ADPRHL1: variants seen among roughly 807,000 people sequenced by gnomAD.
ADPRHL1 encodes ADP-ribosylhydrolase like 1.
Under a neutral mutation model 44.1 loss-of-function variants are expected in ADPRHL1, and 43 were observed. The ratio of observed to expected loss-of-function variants is 0.98; its 90% CI spans 0.76 to 1.26. ADPRHL1 has a LOEUF of 1.26. Among genes scored for constraint, ADPRHL1 ranks in the 50% most tolerant of loss-of-function variants. ADPRHL1 has a pLI of 0.00. For missense variants in ADPRHL1, 2,022 were observed against 2,496.9 expected (o/e 0.81, Z 4.05); for synonymous variants, 878 against 1,017.4 (o/e 0.86, Z 2.61).
At chr13:113,418,980 T>C (rs931445614) in intron 7 of ADPRHL1, among the ~76,000 whole-genome samples, 7 of 105,628 alleles carry the variant, frequency 6.6e-5, no homozygotes, top group South Asian at 3.6e-4. Context: ...CCTCTTTTCC[T>C]TCCCTCCCTC....
At chr13:113,436,926 C>T (rs2044063272) in intron 2 of ADPRHL1, among the ~76,000 whole-genome samples, 1 of 148,112 alleles carries the variant, frequency 6.8e-6, no homozygotes, top group African/African-American at 2.5e-5. Flanking sequence ...GTAGAGTGAA[C>T]ATAGGTGTAC....
intron 7 of ADPRHL1, 170 bp downstream of exon 7, chr13:113,422,656 T>C (rs963594458): frequency 5.0e-6 from 4 of 799,510 alleles, no homozygotes; most frequent in Non-Finnish European, 7.8e-6. Flanking sequence ...ATGTATTTTA[T>C]GCAACAGTTA....
intron 2 of ADPRHL1, among the ~76,000 whole-genome samples, chr13:113,438,821 G>A (rs1477589356): frequency 6.6e-6 from 1 of 152,156 alleles, no homozygotes; most frequent in African/African-American, 2.4e-5. Context: ...ACCACACCTG[G>A]CCCTCTTGTC....
chr13:113,425,703 C>T (rs2043963725), intron 4 of ADPRHL1, among the ~76,000 whole-genome samples: 3 of 127,416 alleles, frequency 2.4e-5, no homozygotes, highest in South Asian at 2.5e-4. Context: ...TTTTTTGAGA[C>T]GGAGTCTCTC....
Position 113,406,750 on chromosome 13 carries a change from A to G in ADPRHL1, c.2532T>C (p.Thr844=). The G allele has an allele frequency of 8.1e-7, 1 of 1,231,998 alleles. No homozygotes were observed. Among genetic ancestry groups the G allele is most frequent in the South Asian group, 4.1e-5 (1 of 24,320 alleles). The allele number at this position is 1,231,998 out of a possible 1,614,324, so 76.3% of individuals were successfully genotyped here. A position where few individuals can be genotyped will look rare whatever the true frequency, so the allele number is the denominator to read the frequency against. The change falls in exon 8 of 8, where the codon ACT becomes ACC. Residue 844 remains threonine (T), a synonymous_variant. Coordinates refer to ENST00000612156, the MANE Select transcript of ADPRHL1 (RefSeq NM_001394807.1). ...TTTCATGGACAACTGGAATTTGGACAGTTATCCGTGGAGGCTCCGTGGCAG... is the reference window on the plus strand; with the variant it reads ...TTTCATGGACAACTGGAATTTGGACGGTTATCCGTGGAGGCTCCGTGGCAG... ...TQPATEPPRI[T]VQIPVVHEMP...
rs558151919 is a variant in ADPRHL1, at chr13:113,444,552, C to T, written c.252G>A (p.Val84=). The T allele has an allele frequency of 7.4e-6, 12 of 1,614,206 alleles. No individual in the cohort carries two copies. In the East Asian group the frequency reaches 2.0e-4, roughly 27 times the overall value. The change falls in exon 2 of 8, where the codon GTG becomes GTA. Residue 84 remains valine (V), a synonymous_variant. Coordinates refer to ENST00000612156, the MANE Select transcript of ADPRHL1 (RefSeq NM_001394807.1). ...WCLDDLYREM[V]RCYVEIVEKL... is the part of the protein sequence containing the mutation. ...TCTCAACGATTTCCACATAGCATCT[C>T]ACCATCTCCCGGTACAGATCATCCA...
rs1157293908 is a variant in ADPRHL1 at position 113,415,768 on chromosome 13, AAAAG to A, written c.1061+7054_1061+7057del. Among the ~76,000 whole-genome samples the A allele has an allele frequency of 5.3e-5, 8 of 150,312 alleles. No individual in the cohort carries two copies. In the East Asian group the frequency reaches 9.7e-4, roughly 18 times the overall value. ...TCCATCTCAAAAAAAAAAAAAAAAAAAAAGAGAGAGAGAGAGAAGCAAGCTCGCC... is the reference window on the plus strand; with the variant it reads ...TCCATCTCAAAAAAAAAAAAAAAAAAAGAGAGAGAGAGAAGCAAGCTCGCC... On this transcript the variant is annotated intron_variant, in intron 7 of 7. Transcript: ENST00000612156.
rs755176395 is a variant in ADPRHL1 at position 113,409,564 on chromosome 13, G to A, written c.1062-1344C>T. 4 of 985,312 alleles carry A rather than the reference G, an allele frequency of 4.1e-6. No individual in the cohort carries two copies. The highest frequency in any genetic ancestry group is 1.1e-4 in the East Asian group (1 of 8,832). 61.0% of individuals were successfully genotyped at this position (985,312 alleles called of 1,614,324 possible). A position where few individuals can be genotyped will look rare whatever the true frequency, so the allele number is the denominator to read the frequency against. On this transcript the variant is annotated intron_variant, in intron 7 of 7. Transcript: ENST00000612156. This position sits in a 1 kb window ranked among gnomAD's most constrained non-coding sequence, Gnocchi z 4.2. ...TGCGGCTGGTGACGTGGTGCCAAGTGAAAAGCTCACTCTAACCCGATTGTT... is the reference window on the plus strand; with the variant it reads ...TGCGGCTGGTGACGTGGTGCCAAGTAAAAAGCTCACTCTAACCCGATTGTT...
At position 113,405,694 on chromosome 13, in the gene ADPRHL1, C is replaced by T. The variant is rs2043803339; in HGVS notation, c.3588G>A (p.Val1196=). Residue 1196 remains valine, a synonymous_variant, in exon 8 of 8, where the codon GTG becomes GTA. Transcript: ENST00000612156. ...TGTCCTCTGGGTGCTGGACGAGGGC[C>T]ACGCCTCTCAGGAGGCTCCTCCCTG... ...GAAGRSLLRG[V]ALVQHPEDIA... The T allele has an allele frequency of 8.1e-7, 1 of 1,231,868 alleles. No individual in the cohort carries two copies. The highest frequency in any genetic ancestry group is 1.0e-6 in the Non-Finnish European group (1 of 988,176). The allele number at this position is 1,231,868 out of a possible 1,614,324, so 76.3% of individuals were successfully genotyped here. A position where few individuals can be genotyped will look rare whatever the true frequency, so the allele number is the denominator to read the frequency against.
chr13:113,423,116 G>A, intron 6 of ADPRHL1, 137 bp from the exon 7 acceptor site: 3 of 1,247,056 alleles, frequency 2.4e-6, no homozygotes, highest in Middle Eastern at 2.4e-4. Context: ...AGGCAGGCCA[G>A]CGCGGTGGCT....
Position 113,441,235 on chromosome 13 carries a change from T to C in ADPRHL1, c.379+3190A>G, listed in dbSNP as rs1381665722. Among the ~76,000 whole-genome samples the C allele has an allele frequency of 6.6e-6, 1 of 152,206 alleles. No individual in the cohort carries two copies. The highest frequency in any genetic ancestry group is 2.4e-5 in the African/African-American group (1 of 41,440). On this transcript the variant is annotated intron_variant, in intron 2 of 7. Coordinates refer to ENST00000612156, the MANE Select transcript of ADPRHL1 (RefSeq NM_001394807.1). This position sits in a 1 kb window ranked among gnomAD's most constrained non-coding sequence, Gnocchi z 6.0. ...TTTATCTAATGTGACAACTTCTGACTGTTATTGGGGGTCTTCACACCATTC... is the reference window on the plus strand; with the variant it reads ...TTTATCTAATGTGACAACTTCTGACCGTTATTGGGGGTCTTCACACCATTC...
intron 2 of ADPRHL1, among the ~76,000 whole-genome samples, chr13:113,437,580 G>A (rs1175813513): frequency 6.6e-6 from 1 of 152,232 alleles, no homozygotes; most frequent in Non-Finnish European, 1.5e-5. Context: ...TTTCCGCCTG[G>A]CTTTTGTCAC....
chr13:113,432,018 G>A (rs545803726), intron 3 of ADPRHL1, among the ~76,000 whole-genome samples: 5 of 152,162 alleles, frequency 3.3e-5, no homozygotes, highest in Admixed American at 1.3e-4. Flanking sequence ...GCGCCTGGCC[G>A]TGAAATAATT....
rs397744674 is a variant in ADPRHL1, at chr13:113,406,673, G to GAAA, written c.2608_2609insTTT (p.Pro870delinsLeuSer). On this transcript the variant is annotated protein_altering_variant, in exon 8 of 8. Coordinates refer to ENST00000612156, the MANE Select transcript of ADPRHL1 (RefSeq NM_001394807.1). Reference sequence around the variant, plus strand: ...CACATTCTCTCCTCCACAAATACAAGGTTTGTTTTCACCACTTGACATATT... The same window carrying GAAA: ...CACATTCTCTCCTCCACAAATACAAGAAAGTTTGTTTTCACCACTTGACATATT... 3 of 1,230,766 alleles carry GAAA rather than the reference G, an allele frequency of 2.4e-6. No homozygotes were observed. Among genetic ancestry groups the GAAA allele is most frequent in the Admixed American group, 4.2e-5 (1 of 23,604 alleles). 76.2% of individuals were successfully genotyped at this position (1,230,766 alleles called of 1,614,324 possible). A position where few individuals can be genotyped will look rare whatever the true frequency, so the allele number is the denominator to read the frequency against.
In ADPRHL1 at chr13:113,407,545, G is replaced by T. The variant is rs369637968; in HGVS notation, c.1737C>A (p.Asn579Lys). ...RLHTQERKKR[N>K]LQRKRMHRPE... ...GCCGGTGCATCCTCTTCCTCTGCAG[G>T]TTCCTCTTCTTCCGCTCCTGCGTGT... Residue 579 changes from asparagine to lysine, a missense_variant, in exon 8 of 8, where the codon AAC becomes AAA. By Grantham distance (94) the Asn-to-Lys change is moderately conservative. Transcript: ENST00000612156. 19 of 1,232,146 alleles carry T rather than the reference G, an allele frequency of 1.5e-5. No homozygotes were observed. In the African/African-American group the frequency reaches 1.6e-4, roughly 10 times the overall value. The allele number at this position is 1,232,146 out of a possible 1,614,324, so 76.3% of individuals were successfully genotyped here.
In ADPRHL1 at chr13:113,407,883, C is replaced by T. The variant is rs1030355775; in HGVS notation, c.1399G>A (p.Val467Met). The change falls in exon 8 of 8, where the codon GTG becomes ATG. Residue 467 changes from valine to methionine, a missense_variant. Around this residue, in one of 8 missense-constraint regions of ADPRHL1, gnomAD observed 1,221 missense variants for 1,517.8 expected, o/e 0.80. Coordinates refer to ENST00000612156, the MANE Select transcript of ADPRHL1 (RefSeq NM_001394807.1). ...KDKQGPGGGL[V>M]GATINKLLEK... ...AGGAGCTTGTTGATGGTGGCACCCA[C>T]GAGGCCCCCACCCGGCCCCTGCTTG... 2.2e-4 allele frequency: 277 copies of T among 1,231,840 alleles called. No individual in the cohort carries two copies. The highest frequency in any genetic ancestry group is 3.1e-4 in the Middle Eastern group (1 of 3,232). 76.3% of individuals were successfully genotyped at this position (1,231,840 alleles called of 1,614,324 possible). A position where few individuals can be genotyped will look rare whatever the true frequency, so the allele number is the denominator to read the frequency against.
At position 113,406,948 on chromosome 13, in the gene ADPRHL1, A is replaced by G; in HGVS notation, c.2334T>C (p.Pro778=). 1.6e-6 allele frequency: 2 copies of G among 1,232,118 alleles called. No individual in the cohort carries two copies. The highest frequency in any genetic ancestry group is 4.2e-5 in the Admixed American group (1 of 23,712). 76.3% of individuals were successfully genotyped at this position (1,232,118 alleles called of 1,614,324 possible). ...GPPGECAGEG[P]EITMTVCSSE... is the part of the protein sequence containing the mutation. ...AACTGCAAACAGTCATGGTGATTTC[A>G]GGGCCCTCCCCTGCACACTCGCCTG... The change falls in exon 8 of 8, where the codon CCT becomes CCC. Residue 778 remains proline, a synonymous_variant. Coordinates refer to ENST00000612156, the MANE Select transcript of ADPRHL1 (RefSeq NM_001394807.1).
intron 4 of ADPRHL1, 21 bp from the exon 5 acceptor site, chr13:113,425,200 G>A: frequency 6.9e-7 from 1 of 1,441,728 alleles, no homozygotes; most frequent in Non-Finnish European, 9.3e-7. Flanking sequence ...AGAACAAGGG[G>A]AGCTGAACAC....
Position 113,418,114 on chromosome 13 carries a change from C to T in ADPRHL1, c.1061+4712G>A, listed in dbSNP as rs908311423. On this transcript the variant is annotated intron_variant, in intron 7 of 7. Transcript: ENST00000612156. ...GGGGAGAAGGCTTGAGTGTGGTTTT[C>T]GGATGCGTCGGGTTTAAAAGCTACT... 7.2e-5 allele frequency among the ~76,000 whole-genome samples: 11 copies of T among 152,232 alleles called. No individual in the cohort carries two copies. In the East Asian group the frequency reaches 7.7e-4, roughly 11 times the overall value.
Sources: gnomAD v4.1 joint callset for allele counts (sites outside exome capture counted in the v4.1 genomes callset) on GRCh38, gnomAD v4.1.1 for gene constraint, gnomAD v4.1.1 regional missense constraint, Gnocchi (gnomAD v3.1) non-coding constraint, MANE v1.5 for transcripts, NCBI Gene and HGNC (gene_info 2026-07-23, HGNC 2026-07-21) for gene names.